NR4A1: variants seen among roughly 807,000 people sequenced by gnomAD.
NR4A1 encodes the protein nuclear receptor subfamily 4 group A member 1, also known as nuclear receptor subfamily 4immunitygroup A member 1.
In NR4A1, 24 loss-of-function variants were observed where a neutral mutation model predicts 47.5. That is an observed-to-expected ratio of 0.50 (90% CI 0.37 to 0.71). NR4A1 has a LOEUF of 0.71. Among genes scored for constraint, NR4A1 ranks in the 30% least tolerant of loss-of-function variants. The probability of loss-of-function intolerance (pLI) is 0.00; values close to 1 mark genes in which losing one functional copy is unlikely to be tolerated. For missense variants in NR4A1, 669 were observed against 788.6 expected, an observed-to-expected ratio of 0.85 and a Z score of 1.82; for synonymous variants, 353 against 345.7, an observed-to-expected ratio of 1.02 and a Z score of -0.24.
chr12:52,045,493 G>A (rs565118366), intron 2 of NR4A1: 2 of 451,574 alleles, frequency 4.4e-6, no homozygotes, highest in East Asian at 1.4e-4. Flanking sequence ...TCCCATGACA[G>A]TGGGGGAGCC....
upstream of NR4A1, among the ~76,000 whole-genome samples, chr12:52,048,526 G>A (rs12298929): frequency 0.026 from 3,967 of 152,214 alleles, 179 homozygotes; most frequent in African/African-American, 0.09. Context: ...CCCGGGAGGC[G>A]GAGCTTGCAG....
At chr12:52,037,895 C>T in intron 1 of NR4A1, 1 of 982,830 alleles carries the variant, frequency 1.0e-6, no homozygotes. Flanking sequence ...GCTTGTGTCT[C>T]CCAGGCGTGT....
Position 52,056,549 on chromosome 12 carries a change from G to A in NR4A1, c.1062G>A (p.Lys354=). Residue 354 remains lysine (K), a synonymous_variant, in exon 4 of 7, where the codon AAG becomes AAA. Coordinates refer to ENST00000394825, the MANE Select transcript of NR4A1 (RefSeq NM_173157.3). ...GRRGRLPSKP[K]QPPDASPANL... ...GGGGCCGGCTACCTTCAAAACCCAA[G>A]CAGCCCCCAGATGCCTCCCCTGCCA... 6.2e-7 allele frequency: 1 copy of A among 1,613,550 alleles called. No individual in the cohort carries two copies. Among genetic ancestry groups the A allele is most frequent in the Non-Finnish European group, 8.5e-7 (1 of 1,179,838 alleles).
chr12:52,051,195 A>G, upstream of NR4A1, among the ~76,000 whole-genome samples: 1 of 152,012 alleles, frequency 6.6e-6, no homozygotes, highest in East Asian at 1.9e-4. Context: ...AGATCAAACA[A>G]TCCGCGCTCC....
chr12:52,031,825 G>T (rs1291902648), intron 1 of NR4A1, among the ~76,000 whole-genome samples: 4 of 145,484 alleles, frequency 2.7e-5, no homozygotes, highest in Non-Finnish European at 5.9e-5. Flanking sequence ...TGTTGCCCAG[G>T]CTGGAGCGCA....
intron 1 of NR4A1, chr12:52,038,819 C>G: frequency 1.3e-6 from 1 of 742,306 alleles, no homozygotes; most frequent in South Asian, 1.4e-5. Context: ...GCTGAGGCCT[C>G]TGCTGGACTT....
At chr12:52,031,137 C>T (rs1008416790) in intron 1 of NR4A1, among the ~76,000 whole-genome samples, 1 of 152,102 alleles carries the variant, frequency 6.6e-6, no homozygotes, top group Non-Finnish European at 1.5e-5. Context: ...CACCTCCGCC[C>T]TGAAGTAGCT....
rs989946028 is a variant in NR4A1, at chr12:52,051,450, T to G, written c.-121T>G. ...GTCGGGCTCGGCCGGGGAGTCCCAGTGGCGGAGGCTACGAAACTTGGGGGA... is the reference window on the plus strand; with the variant it reads ...GTCGGGCTCGGCCGGGGAGTCCCAGGGGCGGAGGCTACGAAACTTGGGGGA... On this transcript the variant is annotated 5_prime_UTR_variant, in exon 1 of 7. Transcript: ENST00000394825. The G allele has an allele frequency of 3.0e-6, 3 of 985,498 alleles. No homozygotes were observed. Among genetic ancestry groups the G allele is most frequent in the Non-Finnish European group, 3.6e-6 (3 of 829,990 alleles). The allele number at this position is 985,498 out of a possible 1,614,324, so 61.0% of individuals were successfully genotyped here.
At chr12:52,026,175 G>T (rs1283176) in intron 1 of NR4A1, among the ~76,000 whole-genome samples, 60,141 of 152,164 alleles carry the variant, frequency 0.4, 12,570 homozygotes, top group Non-Finnish European at 0.46. Flanking sequence ...TTGCTGTGAG[G>T]TTGGGACAGG....
At chr12:52,056,329 G>A in intron 3 of NR4A1, 165 bp from the exon 4 acceptor site, 1 of 1,354,806 alleles carries the variant, frequency 7.4e-7, no homozygotes, top group Non-Finnish European at 1.0e-6. Context: ...TGCCTGGATT[G>A]TGAGGGTGGT....
At position 52,055,060 on chromosome 12, in the gene NR4A1, G is replaced by T. The variant is rs201515875; in HGVS notation, c.732G>T (p.Gly244=). The change falls in exon 2 of 7, where the codon GGG becomes GGT. Residue 244 remains glycine (G), a synonymous_variant. Coordinates refer to ENST00000394825, the MANE Select transcript of NR4A1 (RefSeq NM_173157.3). ...APTSPHLEGS[G]ILDTPVTSTK... The stretch of plus-strand genomic sequence containing the variant: ...CTTCTCCACACCTTGAGGGCTCGGG[G>T]ATACTGGATACACCCGTGACCTCAA... The T allele has an allele frequency of 1.8e-5, 29 of 1,614,260 alleles. No homozygotes were observed. In the East Asian group the frequency reaches 5.6e-4, roughly 31 times the overall value.
intron 1 of NR4A1, among the ~76,000 whole-genome samples, chr12:52,029,025 T>C (rs1482168433): frequency 6.6e-6 from 1 of 152,200 alleles, no homozygotes; most frequent in Non-Finnish European, 1.5e-5. Context: ...ATAGGCATAA[T>C]AGGCACTCCC....
chr12:52,026,511 A>G (rs1317754647), intron 1 of NR4A1, among the ~76,000 whole-genome samples: 1 of 152,166 alleles, frequency 6.6e-6, no homozygotes, highest in Non-Finnish European at 1.5e-5. Flanking sequence ...AACTCACTGG[A>G]TCCTCACAAC....
chr12:52,037,569 G>T (rs377479726), intron 1 of NR4A1: 25 of 983,604 alleles, frequency 2.5e-5, no homozygotes, highest in Non-Finnish European at 2.9e-5. Context: ...GGGGAGTCGG[G>T]GGGGGGACTG....
At chr12:52,051,293 C>T (rs1318507364), upstream of NR4A1, 2 of 507,160 alleles carry the variant, frequency 3.9e-6, no homozygotes, top group South Asian at 1.7e-4. Flanking sequence ...CCCCGGGCCG[C>T]ACCTCCCCCT....
chr12:52,058,588 G>A, intron 6 of NR4A1, 100 bp from the exon 7 acceptor site: 1 of 1,410,162 alleles, frequency 7.1e-7, no homozygotes, highest in Non-Finnish European at 9.4e-7. Context: ...AGCAGAGCAT[G>A]AGGGGTGGTC....
chr12:52,041,843 C>T, exon 2 of NR4A1: 2 of 1,509,260 alleles, frequency 1.3e-6, no homozygotes, highest in South Asian at 1.3e-5. Context: ...GGCCCTGCCC[C>T]TCCCAGGCAG....
Position 52,057,543 on chromosome 12 carries a change from C to T in NR4A1, c.1540+13C>T. ...GTCCTCATCACCGGTGAGTGACCAGCACCACACCAGGTCCAAGGGAATGGG... is the reference window on the plus strand; with the variant it reads ...GTCCTCATCACCGGTGAGTGACCAGTACCACACCAGGTCCAAGGGAATGGG... On this transcript the variant is annotated intron_variant, in intron 6 of 6. Transcript: ENST00000394825. 6.2e-7 allele frequency: 1 copy of T among 1,613,380 alleles called. No homozygotes were observed. Among genetic ancestry groups the T allele is most frequent in the Non-Finnish European group, 8.5e-7 (1 of 1,179,822 alleles).
upstream of NR4A1, among the ~76,000 whole-genome samples, chr12:52,048,105 G>A (rs1938737430): frequency 6.6e-6 from 1 of 151,420 alleles, no homozygotes; most frequent in Admixed American, 6.6e-5. Context: ...AGTGAGCCGA[G>A]ATCGCACCAC....
Sources: gnomAD v4.1 joint callset for allele counts (sites outside exome capture counted in the v4.1 genomes callset) on GRCh38, gnomAD v4.1.1 for gene constraint, MANE v1.5 for transcripts, NCBI Gene and HGNC (gene_info 2026-07-23, HGNC 2026-07-21) for gene names.